The following ARHGAP26 variants were observed in gnomAD, a reference collection of about 807,000 sequenced individuals.
The protein encoded by ARHGAP26 is Rho GTPase activating protein 26.
ARHGAP26 carries 38 observed loss-of-function variants against 104.8 expected under a neutral mutation model. That is an observed-to-expected ratio of 0.36 (90% CI 0.28 to 0.48). The LOEUF (loss-of-function observed/expected upper bound fraction) is 0.48. Ranked by LOEUF, ARHGAP26 falls within the 20% of genes least tolerant of loss-of-function variation. The pLI is 0.99. For missense variants in ARHGAP26, 704 were observed against 947.9 expected (o/e 0.74, Z 3.38); for synonymous variants, 341 against 340.0 (o/e 1.00, Z -0.03).
At chr5:143,057,252 C>A (rs188289023) in intron 16 of ARHGAP26, among the ~76,000 whole-genome samples, 118 of 152,270 alleles carry the variant, frequency 7.7e-4, no homozygotes, top group African/African-American at 2.6e-3. Context: ...CAATGTTGTT[C>A]ATGTAAGATT....
chr5:143,058,099 A>G, intron 17 of ARHGAP26: 1 of 475,186 alleles, frequency 2.1e-6, no homozygotes, highest in South Asian at 1.9e-5. Flanking sequence ...CATCAAGAAC[A>G]AACAAAAATA....
chr5:142,994,036 A>T (rs1054417185), intron 11 of ARHGAP26, among the ~76,000 whole-genome samples: 1 of 152,196 alleles, frequency 6.6e-6, no homozygotes, highest in African/African-American at 2.4e-5. Context: ...CATGTCATTC[A>T]ACCAGTATTT....
intron 1 of ARHGAP26, among the ~76,000 whole-genome samples, chr5:142,778,372 A>G (rs1756782697): frequency 6.6e-6 from 1 of 152,188 alleles, no homozygotes; most frequent in Non-Finnish European, 1.5e-5. Context: ...TACAGTGTAA[A>G]AGCACCCCCT....
chr5:143,007,438 G>A (rs1778154277), intron 11 of ARHGAP26, among the ~76,000 whole-genome samples: 1 of 152,192 alleles, frequency 6.6e-6, no homozygotes, highest in Admixed American at 6.5e-5. Context: ...TTCCTGTTAT[G>A]CTTAAATTGG....
chr5:143,149,880 T>C (rs1031742362), intron 20 of ARHGAP26, among the ~76,000 whole-genome samples: 27 of 152,334 alleles, frequency 1.8e-4, no homozygotes, highest in Admixed American at 1.6e-3. Context: ...ACTCCTTTAT[T>C]TCACTATTTT....
chr5:142,806,950 T>C (rs1413665978), intron 1 of ARHGAP26, among the ~76,000 whole-genome samples: 2 of 152,196 alleles, frequency 1.3e-5, no homozygotes, highest in East Asian at 1.9e-4. Context: ...GGCTTTGATA[T>C]AGAACAGCAG....
intron 19 of ARHGAP26, among the ~76,000 whole-genome samples, chr5:143,146,759 TG>T (rs550060894): frequency 6.4e-4 from 98 of 152,338 alleles, no homozygotes; most frequent in African/African-American, 2.3e-3. Flanking sequence ...AGATCTTCTC[TG>T]GTGAGGCTCT....
At chr5:143,143,652 G>A (rs1798822785) in intron 19 of ARHGAP26, among the ~76,000 whole-genome samples, 1 of 152,114 alleles carries the variant, frequency 6.6e-6, no homozygotes, top group African/African-American at 2.4e-5. Context: ...TTTTGACTGT[G>A]TATTATTCCC....
chr5:142,991,599 C>G (rs1167178404), intron 11 of ARHGAP26, among the ~76,000 whole-genome samples: 2 of 152,170 alleles, frequency 1.3e-5, no homozygotes, highest in Non-Finnish European at 2.9e-5. Flanking sequence ...ACCTCCCCCA[C>G]TTTTTATCTT....
At chr5:142,983,895 T>C (rs1288646958) in intron 11 of ARHGAP26, among the ~76,000 whole-genome samples, 1 of 152,236 alleles carries the variant, frequency 6.6e-6, no homozygotes, top group Non-Finnish European at 1.5e-5. Context: ...TTTTTTATAT[T>C]TTCTCATGTC....
chr5:142,825,152 C>A (rs550538670), intron 1 of ARHGAP26, among the ~76,000 whole-genome samples: 1 of 152,318 alleles, frequency 6.6e-6, no homozygotes, highest in African/African-American at 2.4e-5. Context: ...AATAACAGTG[C>A]CTCCTTTACA....
At chr5:143,002,304 A>C (rs1469878026) in intron 11 of ARHGAP26, among the ~76,000 whole-genome samples, 1 of 144,652 alleles carries the variant, frequency 6.9e-6, no homozygotes, top group Non-Finnish European at 1.5e-5. Context: ...TCTCATATGC[A>C]GTTTTCTAAA....
chr5:142,773,021 C>T (rs575266210), intron 1 of ARHGAP26, among the ~76,000 whole-genome samples: 4 of 151,970 alleles, frequency 2.6e-5, no homozygotes, highest in Admixed American at 6.6e-5. Context: ...GTGTTCTGTT[C>T]TCTCTACGTC....
At chr5:143,079,263 AC>A (rs1789470285) in intron 17 of ARHGAP26, among the ~76,000 whole-genome samples, 1 of 152,218 alleles carries the variant, frequency 6.6e-6, no homozygotes, top group African/African-American at 2.4e-5. Flanking sequence ...AGCCTATGAA[AC>A]ATTATTTTTC....
chr5:143,070,924 A>C (rs1393969260), intron 17 of ARHGAP26, among the ~76,000 whole-genome samples: 1 of 152,016 alleles, frequency 6.6e-6, no homozygotes, highest in African/African-American at 2.4e-5. Context: ...AAAAAAAAAC[A>C]ACAAAAAAAC....
intron 17 of ARHGAP26, among the ~76,000 whole-genome samples, chr5:143,112,238 T>G (rs2150722868): frequency 6.6e-6 from 1 of 152,200 alleles, no homozygotes; most frequent in East Asian, 1.9e-4. Flanking sequence ...AAGACCACTT[T>G]GAGGAAGAGT....
At chr5:142,959,715 A>G (rs1769891515) in intron 11 of ARHGAP26, among the ~76,000 whole-genome samples, 1 of 152,250 alleles carries the variant, frequency 6.6e-6, no homozygotes, top group South Asian at 2.1e-4. Flanking sequence ...AATTAAGCCC[A>G]TCTGGATATC....
chr5:143,128,802 A>G (rs1430223147), intron 18 of ARHGAP26, among the ~76,000 whole-genome samples: 5 of 152,222 alleles, frequency 3.3e-5, no homozygotes, highest in Admixed American at 2.0e-4. Context: ...CATTTCTCGT[A>G]TAAACCTTTC....
chr5:143,186,887 C>A (rs1234009696), intron 20 of ARHGAP26, among the ~76,000 whole-genome samples: 1 of 152,180 alleles, frequency 6.6e-6, no homozygotes, highest in Non-Finnish European at 1.5e-5. Context: ...TGATGCAATT[C>A]TGTCTTCATT....
Sources: allele counts gnomAD v4.1 joint callset (sites outside exome capture counted in the v4.1 genomes callset), GRCh38; gene constraint gnomAD v4.1.1; transcripts MANE v1.5; gene names NCBI Gene and HGNC (gene_info 2026-07-23, HGNC 2026-07-21).